The following KAZN variants were observed in gnomAD, a reference collection of about 807,000 sequenced individuals.
KAZN encodes the protein kazrin.
A neutral mutation model predicts 87.4 loss-of-function variants in KAZN; 40 were observed. The ratio of observed to expected loss-of-function variants is 0.46; its 90% CI spans 0.36 to 0.60. The LOEUF (loss-of-function observed/expected upper bound fraction) is 0.60, where lower values mean the gene tolerates loss of function less well. Ranked by LOEUF, KAZN falls within the 20% of genes least tolerant of loss-of-function variation. KAZN has a pLI of 0.00. For missense variants in KAZN, 898 were observed against 1,073.9 expected, an observed-to-expected ratio of 0.84 and a Z score of 2.29; for synonymous variants, 466 against 458.3, an observed-to-expected ratio of 1.02 and a Z score of -0.22.
intron 2 of KAZN, among the ~76,000 whole-genome samples, chr1:14,303,718 T>C (rs933271246): frequency 1.3e-5 from 2 of 152,202 alleles, no homozygotes; most frequent in African/African-American, 4.8e-5. Context: ...CTATCCAAAC[T>C]CTGTCCATCC....
chr1:13,906,532 T>C (rs927422247), intron 1 of KAZN, among the ~76,000 whole-genome samples: 1 of 152,122 alleles, frequency 6.6e-6, no homozygotes, highest in Non-Finnish European at 1.5e-5. Context: ...CCGGCCCAGG[T>C]TTCCAGTCTG....
chr1:15,010,665 C>T (rs756674805), intron 2 of KAZN, among the ~76,000 whole-genome samples: 1 of 152,184 alleles, frequency 6.6e-6, no homozygotes, highest in South Asian at 2.1e-4. Context: ...TGCTGGATTA[C>T]AGGCGTGAGC....
intron 2 of KAZN, among the ~76,000 whole-genome samples, chr1:14,453,012 G>T (rs1667359471): frequency 6.6e-6 from 1 of 152,164 alleles, no homozygotes; most frequent in Admixed American, 6.5e-5. Context: ...CTGGAGTGCA[G>T]TGGCGCAATC....
At chr1:14,640,067 A>G (rs1220501002) in intron 1 of KAZN, among the ~76,000 whole-genome samples, 3 of 152,218 alleles carry the variant, frequency 2.0e-5, no homozygotes, top group Non-Finnish European at 4.4e-5. Flanking sequence ...AGGTTGTTCG[A>G]GAAATGCTCT....
At chr1:14,222,728 A>C (rs1327073466) in intron 2 of KAZN, among the ~76,000 whole-genome samples, 1 of 152,222 alleles carries the variant, frequency 6.6e-6, no homozygotes, top group Admixed American at 6.5e-5. Flanking sequence ...AGAGGGATGA[A>C]TGTAAGGCTA....
intron 1 of KAZN, among the ~76,000 whole-genome samples, chr1:14,037,332 A>C (rs1557798249): frequency 6.6e-6 from 1 of 152,166 alleles, no homozygotes; most frequent in Admixed American, 6.5e-5. Context: ...CCTTACTCAA[A>C]GTGTTTGCCT....
At chr1:14,008,424 G>A (rs1012275817) in intron 1 of KAZN, among the ~76,000 whole-genome samples, 1 of 152,132 alleles carries the variant, frequency 6.6e-6, no homozygotes, top group Non-Finnish European at 1.5e-5. Context: ...ATATTGAAAG[G>A]GGACTTCCCT....
intron 2 of KAZN, among the ~76,000 whole-genome samples, chr1:14,526,042 T>C (rs1671846036): frequency 3.9e-5 from 6 of 152,228 alleles, no homozygotes. Context: ...AGCATTGTCG[T>C]CATTATGACT....
chr1:15,044,019 A>G lies in KAZN; in HGVS notation c.586A>G (p.Lys196Glu). 5.6e-6 allele frequency: 9 copies of G among 1,611,958 alleles called. No individual in the cohort carries two copies. Among genetic ancestry groups the G allele is most frequent in the Non-Finnish European group, 5.9e-6 (7 of 1,179,588 alleles). The change falls in exon 4 of 15, where the codon AAG (lysine) becomes GAG (glutamate). Residue 196 changes from lysine to glutamate, a missense_variant. Around this residue, in one of 3 missense-constraint regions of KAZN, gnomAD observed 521 missense variants for 689.4 expected, o/e 0.76. Coordinates refer to ENST00000376030, the MANE Select transcript of KAZN (RefSeq NM_201628.3). Reference sequence around the variant, plus strand: ...CGAGGATGCGGTCAAAGCGCTGGCCAAGGAGAAGGACCTGCTGGAGCGTGA... The same window carrying G: ...CGAGGATGCGGTCAAAGCGCTGGCCGAGGAGAAGGACCTGCTGGAGCGTGA... ...ESEDAVKALA[K>E]EKDLLEREKW...
At chr1:15,050,410 G>A (rs902911714) in intron 4 of KAZN, among the ~76,000 whole-genome samples, 7 of 152,060 alleles carry the variant, frequency 4.6e-5, no homozygotes, top group East Asian at 1.9e-4. Context: ...ATTTGACCTC[G>A]CACATGTCAC....
intron 2 of KAZN, among the ~76,000 whole-genome samples, chr1:14,236,033 A>G (rs763291735): frequency 6.6e-6 from 1 of 152,190 alleles, no homozygotes; most frequent in Admixed American, 6.5e-5. Flanking sequence ...CGCCTTATCT[A>G]ATATCATCCT....
intron 1 of KAZN, among the ~76,000 whole-genome samples, chr1:14,012,789 A>G (rs1640375382): frequency 6.6e-6 from 1 of 152,238 alleles, no homozygotes; most frequent in Admixed American, 6.5e-5. Flanking sequence ...AGATTGCACC[A>G]CTTCATTCCA....
At chr1:14,924,680 T>G (rs931720611) in intron 1 of KAZN, 7 of 588,976 alleles carry the variant, frequency 1.2e-5, no homozygotes, top group Non-Finnish European at 1.5e-5. Flanking sequence ...AAGCCGCTGG[T>G]GGCAAAGTTC....
intron 8 of KAZN, among the ~76,000 whole-genome samples, chr1:15,078,670 T>G (rs1031121524): frequency 2.0e-5 from 3 of 152,184 alleles, no homozygotes; most frequent in Non-Finnish European, 4.4e-5. Flanking sequence ...CTTTGCCCCA[T>G]GCTGTGGCTC....
intron 1 of KAZN, among the ~76,000 whole-genome samples, chr1:14,713,185 A>G (rs1208510539): frequency 6.6e-6 from 1 of 152,158 alleles, no homozygotes; most frequent in Admixed American, 6.5e-5. Flanking sequence ...ACGCTAGCAC[A>G]GGCTTGTTTT....
rs1456699825 is a variant in KAZN at position 15,058,492 on chromosome 1, C to CT, written c.917-1677dup. ...AGCCAGTCTTGTCAAACAAAAGATGCTTTCTCCATCCAGTGCCAATGCCTG... is the reference window on the plus strand; with the variant it reads ...AGCCAGTCTTGTCAAACAAAAGATGCTTTTCTCCATCCAGTGCCAATGCCTG... On this transcript the variant is annotated intron_variant, in intron 5 of 14. Transcript: ENST00000376030. Among the ~76,000 whole-genome samples the CT allele has an allele frequency of 3.9e-5, 6 of 152,344 alleles. No homozygotes were observed. In the East Asian group the frequency reaches 1.2e-3, roughly 29 times the overall value.
chr1:14,815,801 T>A (rs990354716), intron 1 of KAZN, among the ~76,000 whole-genome samples: 1 of 152,042 alleles, frequency 6.6e-6, no homozygotes, highest in Non-Finnish European at 1.5e-5. Context: ...CAGCTCCATA[T>A]CCACATCAGG....
At chr1:14,542,306 A>AG (rs1439664272) in intron 2 of KAZN, among the ~76,000 whole-genome samples, 6 of 40,568 alleles carry the variant, frequency 1.5e-4, no homozygotes, top group Admixed American at 3.5e-4. Flanking sequence ...GGGTGGGGGG[A>AG]GGGGGGAGGG....
chr1:14,025,397 G>C (rs1161173852), intron 1 of KAZN, among the ~76,000 whole-genome samples: 1 of 152,190 alleles, frequency 6.6e-6, no homozygotes, highest in Non-Finnish European at 1.5e-5. Flanking sequence ...AAATACAGTA[G>C]TTAGACCAGC....
Sources: allele counts gnomAD v4.1 joint callset (sites outside exome capture counted in the v4.1 genomes callset), GRCh38; gene constraint gnomAD v4.1.1; regional missense constraint gnomAD v4.1.1; transcripts MANE v1.5; gene names NCBI Gene and HGNC (gene_info 2026-07-23, HGNC 2026-07-21).